SSBP2: variants seen among roughly 807,000 people sequenced by gnomAD.
SSBP2 encodes single-stranded DNA-binding protein 2.
A neutral mutation model predicts 61.8 loss-of-function variants in SSBP2; 17 were observed. The observed-to-expected ratio is 0.28, with a 90% CI of 0.19 to 0.41. The LOEUF is 0.41. SSBP2 is among the 10% of genes least tolerant of loss of function. SSBP2 has a pLI of 1.00. For missense variants in SSBP2, 310 were observed against 458.7 expected, an observed-to-expected ratio of 0.68 and a Z score of 2.96; for synonymous variants, 139 against 141.3, an observed-to-expected ratio of 0.98 and a Z score of 0.12.
At chr5:81,747,839 C>A (rs1408556685) in intron 1 of SSBP2, among the ~76,000 whole-genome samples, 1 of 152,078 alleles carries the variant, frequency 6.6e-6, no homozygotes, top group Non-Finnish European at 1.5e-5. Flanking sequence ...ATAAAGAAAG[C>A]CTGCTAAAGG....
At chr5:81,635,646 C>G (rs1204062461) in intron 3 of SSBP2, among the ~76,000 whole-genome samples, 1 of 146,640 alleles carries the variant, frequency 6.8e-6, no homozygotes, top group Non-Finnish European at 1.5e-5. Context: ...TGCAGTGGTG[C>G]AATCTCGGCT....
chr5:81,412,982 T>C lies in SSBP2; in HGVS notation c.*7522A>G, dbSNP rs560990364. On this transcript the variant is annotated 3_prime_UTR_variant, in exon 17 of 17. Transcript: ENST00000320672. ...TGATATTAGAACCTCCTGAATTTTATATAAGGCATAATGTCTAATTCAATT... is the reference window on the plus strand; with the variant it reads ...TGATATTAGAACCTCCTGAATTTTACATAAGGCATAATGTCTAATTCAATT... 6.6e-6 allele frequency: 1 copy of C among 152,320 alleles called. No individual in the cohort carries two copies. Among genetic ancestry groups the C allele is most frequent in the South Asian group, 2.1e-4 (1 of 4,824 alleles). 9.4% of individuals were successfully genotyped at this position (152,320 alleles called of 1,614,324 possible).
At chr5:81,496,832 G>A (rs551150621) in intron 5 of SSBP2, among the ~76,000 whole-genome samples, 2 of 152,020 alleles carry the variant, frequency 1.3e-5, no homozygotes, top group Admixed American at 6.6e-5. Context: ...TTAGAATAAC[G>A]GCAGATACAC....
chr5:81,580,531 G>A (rs920468624), intron 4 of SSBP2, among the ~76,000 whole-genome samples: 12 of 151,932 alleles, frequency 7.9e-5, no homozygotes, highest in South Asian at 2.1e-4. Context: ...ACCCAACCCC[G>A]ATGTTTATAT....
chr5:81,532,244 T>C (rs4579232), intron 4 of SSBP2, among the ~76,000 whole-genome samples: 104 of 152,234 alleles, frequency 6.8e-4, no homozygotes, highest in African/African-American at 2.4e-3. Flanking sequence ...TAATACTTTA[T>C]ATAATACTAT....
intron 4 of SSBP2, among the ~76,000 whole-genome samples, chr5:81,545,231 A>AT (rs1561524739): frequency 6.6e-6 from 1 of 152,242 alleles, no homozygotes; most frequent in East Asian, 1.9e-4. Flanking sequence ...ATACTTAAAA[A>AT]TTGTTTATTG....
At chr5:81,721,300 G>A (rs997834291) in intron 1 of SSBP2, among the ~76,000 whole-genome samples, 6 of 151,918 alleles carry the variant, frequency 3.9e-5, no homozygotes, top group African/African-American at 9.7e-5. Context: ...AAATGTCCCC[G>A]AATATCTTTC....
intron 5 of SSBP2, among the ~76,000 whole-genome samples, chr5:81,491,588 G>A (rs1031527084): frequency 1.3e-5 from 2 of 152,140 alleles, no homozygotes; most frequent in Non-Finnish European, 2.9e-5. Context: ...CAGTGTATGT[G>A]CTAGCTGGGA....
At chr5:81,634,624 T>A (rs951572841) in intron 3 of SSBP2, among the ~76,000 whole-genome samples, 1 of 152,212 alleles carries the variant, frequency 6.6e-6, no homozygotes, top group African/African-American at 2.4e-5. Flanking sequence ...TGCATTGTAT[T>A]CTCTTTATAT....
chr5:81,466,940 G>A lies in SSBP2; in HGVS notation c.638+34C>T, dbSNP rs74448262. ...TTTATATATATAAAATATCATCCAC[G>A]TAATAATGTAGTATATGATATAACA... On this transcript the variant is annotated intron_variant, in intron 9 of 16. Coordinates refer to ENST00000320672, the MANE Select transcript of SSBP2 (RefSeq NM_012446.5). 1.3e-3 allele frequency: 1,599 copies of A among 1,248,634 alleles called. 19 individuals are homozygous for A. The African/African-American group carries it at 0.022, about 17-fold the overall frequency. 77.3% of individuals were successfully genotyped at this position (1,248,634 alleles called of 1,614,324 possible).
chr5:81,603,001 T>C (rs967334568), intron 4 of SSBP2, among the ~76,000 whole-genome samples: 4 of 152,218 alleles, frequency 2.6e-5, no homozygotes, highest in Admixed American at 6.5e-5. Context: ...GCTGGTCCCA[T>C]GCACTTTAGG....
chr5:81,586,616 C>T (rs1242482860), intron 4 of SSBP2, among the ~76,000 whole-genome samples: 1 of 127,290 alleles, frequency 7.9e-6, no homozygotes, highest in African/African-American at 3.1e-5. Context: ...CAGAGTCTAA[C>T]TGCAGTATGC....
rs1761476252 is a variant in SSBP2 at position 81,419,604 on chromosome 5, A to G, written c.*900T>C. On this transcript the variant is annotated 3_prime_UTR_variant, in exon 17 of 17. Coordinates refer to ENST00000320672, the MANE Select transcript of SSBP2 (RefSeq NM_012446.5). ...ACTTTTGGGCTTCATCATGTTAAAG[A>G]GAAAAGATGTTGCTAAATATATGAC... is the stretch of plus-strand genomic sequence containing the variant. The G allele has an allele frequency of 6.6e-6, 1 of 152,228 alleles. No individual in the cohort carries two copies. The highest frequency in any genetic ancestry group is 1.5e-5 in the Non-Finnish European group (1 of 68,044). 9.4% of individuals were successfully genotyped at this position (152,228 alleles called of 1,614,324 possible).
intron 15 of SSBP2, 143 bp downstream of exon 15, chr5:81,437,287 T>C: frequency 1.3e-6 from 1 of 747,578 alleles, no homozygotes; most frequent in Non-Finnish European, 2.3e-6. Context: ...TTAATATTCT[T>C]AACTTCCAAT....
intron 1 of SSBP2, among the ~76,000 whole-genome samples, chr5:81,674,017 C>A (rs182883755): frequency 1.3e-5 from 2 of 152,242 alleles, no homozygotes; most frequent in Non-Finnish European, 2.9e-5. Context: ...TTTAAAATAT[C>A]TCCTAAGTAC....
Position 81,420,261 on chromosome 5 carries a change from C to G in SSBP2, c.*243G>C. ...ATTCTCTTTCCCACACATATACATA[C>G]ACACATAATTATTTGCAGTTCAGTT... On this transcript the variant is annotated 3_prime_UTR_variant, in exon 17 of 17. Transcript: ENST00000320672. 1.8e-6 allele frequency: 1 copy of G among 555,108 alleles called. No homozygotes were observed. Among genetic ancestry groups the G allele is most frequent in the Non-Finnish European group, 3.2e-6 (1 of 310,752 alleles). 34.4% of individuals were successfully genotyped at this position (555,108 alleles called of 1,614,324 possible).
chr5:81,496,831 C>T (rs944280223), intron 5 of SSBP2, among the ~76,000 whole-genome samples: 6 of 152,158 alleles, frequency 3.9e-5, no homozygotes, highest in Non-Finnish European at 5.9e-5. Context: ...TTTAGAATAA[C>T]GGCAGATACA....
intron 4 of SSBP2, among the ~76,000 whole-genome samples, chr5:81,544,063 C>A (rs769153950): frequency 7.2e-5 from 11 of 151,854 alleles, no homozygotes; most frequent in Non-Finnish European, 1.5e-4. Flanking sequence ...TCCTTTTTTT[C>A]CTTTGAGACG....
intron 4 of SSBP2, among the ~76,000 whole-genome samples, chr5:81,592,675 C>T (rs892802473): frequency 7.9e-5 from 12 of 152,192 alleles, no homozygotes; most frequent in South Asian, 2.1e-4. Flanking sequence ...GCAGCATTTG[C>T]GGTTCAACAA....
Sources: gnomAD v4.1 joint callset for allele counts (sites outside exome capture counted in the v4.1 genomes callset) on GRCh38, gnomAD v4.1.1 for gene constraint, MANE v1.5 for transcripts, NCBI Gene and HGNC (gene_info 2026-07-23, HGNC 2026-07-21) for gene names.